The following MAGI2 variants were observed in gnomAD, a reference collection of about 807,000 sequenced individuals.
MAGI2 encodes the protein membrane-associated guanylate kinase, WW and PDZ domain-containing protein 2.
MAGI2 carries 35 observed loss-of-function variants against 133.3 expected under a neutral mutation model. The observed-to-expected ratio is 0.26, with a 90% CI of 0.20 to 0.35. The LOEUF (loss-of-function observed/expected upper bound fraction) is 0.35, where lower values mean the gene tolerates loss of function less well. Among genes scored for constraint, MAGI2 ranks in the 10% least tolerant of loss-of-function variants. MAGI2 has a pLI of 1.00. For missense variants in MAGI2, 1,636 were observed against 1,863.4 expected, an observed-to-expected ratio of 0.88 and a Z score of 2.25; for synonymous variants, 729 against 710.6, an observed-to-expected ratio of 1.03 and a Z score of -0.41.
intron 16 of MAGI2, among the ~76,000 whole-genome samples, chr7:78,147,082 T>C (rs746070163): frequency 4.6e-5 from 7 of 152,214 alleles, no homozygotes; most frequent in Non-Finnish European, 8.8e-5. Context: ...GAAGATTACA[T>C]GAATATTTAT....
chr7:78,550,375 G>A (rs983223175), intron 3 of MAGI2, among the ~76,000 whole-genome samples: 9 of 152,132 alleles, frequency 5.9e-5, no homozygotes, highest in South Asian at 2.1e-4. Flanking sequence ...GCAAAAGGGC[G>A]CCAGTACATC....
chr7:78,677,830 C>G (rs75233540), intron 2 of MAGI2, among the ~76,000 whole-genome samples: 1 of 152,150 alleles, frequency 6.6e-6, no homozygotes, highest in East Asian at 1.9e-4. Flanking sequence ...CTGATCACCC[C>G]TTACAATCAA....
At chr7:79,220,058 C>T (rs1485298520) in intron 1 of MAGI2, among the ~76,000 whole-genome samples, 1 of 151,960 alleles carries the variant, frequency 6.6e-6, no homozygotes, top group East Asian at 1.9e-4. Context: ...CTTCTGAATT[C>T]TCCTCTCCTT....
At chr7:79,046,182 A>G (rs1479094376) in intron 1 of MAGI2, among the ~76,000 whole-genome samples, 11 of 152,192 alleles carry the variant, frequency 7.2e-5, no homozygotes, top group Non-Finnish European at 1.5e-4. Flanking sequence ...TTCTATGATG[A>G]CGTCCTAATC....
intron 21 of MAGI2, among the ~76,000 whole-genome samples, chr7:78,075,376 CTTTTTTT>C (rs34396344): frequency 1.6e-5 from 2 of 126,522 alleles, no homozygotes; most frequent in African/African-American, 6.3e-5. Context: ...TGTAATAAAT[CTTTTTTT>C]TTTTTTTTTT....
chr7:78,854,373 A>T (rs1793440807), intron 2 of MAGI2, among the ~76,000 whole-genome samples: 1 of 152,132 alleles, frequency 6.6e-6, no homozygotes, highest in Non-Finnish European at 1.5e-5. Flanking sequence ...CTTGTTTTAT[A>T]ATTTGTTATA....
At chr7:78,998,744 C>A (rs1806565109) in intron 2 of MAGI2, among the ~76,000 whole-genome samples, 1 of 152,098 alleles carries the variant, frequency 6.6e-6, no homozygotes, top group Non-Finnish European at 1.5e-5. Context: ...CTTTAAGTCC[C>A]ATAAGAACAC....
intron 1 of MAGI2, among the ~76,000 whole-genome samples, chr7:79,311,976 A>G (rs1838325780): frequency 6.6e-6 from 1 of 152,070 alleles, no homozygotes; most frequent in African/African-American, 2.4e-5. Context: ...TACTGCCTCT[A>G]TTGCTAACAT....
chr7:79,105,769 T>C (rs1194049386), intron 1 of MAGI2, among the ~76,000 whole-genome samples: 1 of 152,206 alleles, frequency 6.6e-6, no homozygotes, highest in Non-Finnish European at 1.5e-5. Context: ...TGTAGTTGAC[T>C]ATTGAGATTT....
Position 78,636,432 on chromosome 7 carries a change from C to T in MAGI2, c.419-9193G>A, listed in dbSNP as rs549843369. 1.5e-4 allele frequency among the ~76,000 whole-genome samples: 23 copies of T among 148,556 alleles called. No individual in the cohort carries two copies. The South Asian group carries it at 4.2e-3, about 27-fold the overall frequency. ...TTCAAAATAGTGCCCCATATGGCAT[C>T]AATTACTGTTTTAAATTTTAACAGT... On this transcript the variant is annotated intron_variant, in intron 2 of 21. Transcript: ENST00000354212.
At chr7:79,050,879 A>G (rs1166169504) in intron 1 of MAGI2, among the ~76,000 whole-genome samples, 1 of 137,874 alleles carries the variant, frequency 7.3e-6, no homozygotes, top group Admixed American at 7.2e-5. Flanking sequence ...GATGTGTGGA[A>G]GCTGCCCTGG....
intron 2 of MAGI2, among the ~76,000 whole-genome samples, chr7:78,692,506 G>A (rs542161320): frequency 1.6e-4 from 24 of 152,034 alleles, no homozygotes; most frequent in African/African-American, 2.2e-4. Flanking sequence ...GTCTGCTCTC[G>A]TTTCATTTTA....
intron 1 of MAGI2, among the ~76,000 whole-genome samples, chr7:79,039,033 A>G (rs1811371380): frequency 6.6e-6 from 1 of 152,042 alleles, no homozygotes; most frequent in Non-Finnish European, 1.5e-5. Context: ...GCCCCCACCC[A>G]CTCATCTTGA....
chr7:78,787,782 A>G (rs1010857236), intron 2 of MAGI2, among the ~76,000 whole-genome samples: 1 of 152,212 alleles, frequency 6.6e-6, no homozygotes, highest in African/African-American at 2.4e-5. Flanking sequence ...AGAAGATGAA[A>G]GAATGGCGGA....
intron 1 of MAGI2, 172 bp downstream of exon 1, chr7:79,452,848 A>T: frequency 3.1e-6 from 2 of 648,602 alleles, no homozygotes; most frequent in African/African-American, 1.8e-5. Context: ...CCCTCCCTTT[A>T]GCCCCCAAGT....
intron 1 of MAGI2, among the ~76,000 whole-genome samples, chr7:79,293,426 T>C (rs1037125188): frequency 6.6e-6 from 1 of 152,228 alleles, no homozygotes; most frequent in African/African-American, 2.4e-5. Flanking sequence ...GACTCCAGAA[T>C]CTTGAACAAT....
chr7:79,072,002 C>T (rs534886667), intron 1 of MAGI2, among the ~76,000 whole-genome samples: 3 of 152,216 alleles, frequency 2.0e-5, no homozygotes, highest in African/African-American at 7.2e-5. Context: ...GTGCACTGTT[C>T]CTGCTAGTAC....
chr7:79,380,292 C>T (rs886521784), intron 1 of MAGI2, among the ~76,000 whole-genome samples: 8 of 151,832 alleles, frequency 5.3e-5, no homozygotes, highest in African/African-American at 1.9e-4. Context: ...CTTCTTAAGT[C>T]CTTCACAACT....
chr7:78,076,880 A>G (rs994588207), intron 21 of MAGI2, among the ~76,000 whole-genome samples: 2 of 145,974 alleles, frequency 1.4e-5, no homozygotes, highest in Non-Finnish European at 3.0e-5. Flanking sequence ...AAAAAAAAAA[A>G]GAATTAATGA....
Sources: allele counts gnomAD v4.1 joint callset (sites outside exome capture counted in the v4.1 genomes callset), GRCh38; gene constraint gnomAD v4.1.1; transcripts MANE v1.5; gene names NCBI Gene and HGNC (gene_info 2026-07-23, HGNC 2026-07-21).